The following SYT9 variants were observed in gnomAD, a reference collection of about 807,000 sequenced individuals.
SYT9 encodes the protein synaptotagmin-9.
In SYT9, 22 loss-of-function variants were observed where a neutral mutation model predicts 48.4. That is an observed-to-expected ratio of 0.45 (90% CI 0.32 to 0.65). SYT9 has a LOEUF of 0.65. SYT9 is among the 30% of genes least tolerant of loss of function. The probability of loss-of-function intolerance (pLI) is 0.03; values close to 1 mark genes in which losing one functional copy is unlikely to be tolerated. For missense variants in SYT9, 577 were observed against 622.0 expected, an observed-to-expected ratio of 0.93 and a Z score of 0.77; for synonymous variants, 265 against 245.0, an observed-to-expected ratio of 1.08 and a Z score of -0.76.
chr11:7,279,923 C>T (rs1052404214), intron 1 of SYT9, among the ~76,000 whole-genome samples: 1 of 152,164 alleles, frequency 6.6e-6, no homozygotes. Context: ...TGAGGCAAAT[C>T]TTTTGAGCAG....
chr11:7,358,971 G>A (rs922743516), intron 3 of SYT9, among the ~76,000 whole-genome samples: 1 of 151,988 alleles, frequency 6.6e-6, no homozygotes, highest in Non-Finnish European at 1.5e-5. Flanking sequence ...TCTAGCATTA[G>A]GTATATCTCC....
chr11:7,356,513 G>A (rs752251445), intron 3 of SYT9, among the ~76,000 whole-genome samples: 1 of 152,072 alleles, frequency 6.6e-6, no homozygotes, highest in Non-Finnish European at 1.5e-5. Flanking sequence ...CTCCAGGGAG[G>A]GAAGAAGGAG....
chr11:7,342,669 T>C (rs878906616), intron 3 of SYT9, among the ~76,000 whole-genome samples: 4 of 152,176 alleles, frequency 2.6e-5, no homozygotes, highest in Non-Finnish European at 5.9e-5. Context: ...TGTAGGTGGA[T>C]CTACCATTCT....
intron 1 of SYT9, among the ~76,000 whole-genome samples, chr11:7,242,183 C>A (rs982843100): frequency 3.3e-5 from 5 of 152,200 alleles, no homozygotes; most frequent in Non-Finnish European, 5.9e-5. Flanking sequence ...GTTGGTCAGA[C>A]CCTGCCCATC....
chr11:7,431,734 G>C (rs1847576728), intron 6 of SYT9, among the ~76,000 whole-genome samples: 1 of 152,248 alleles, frequency 6.6e-6, no homozygotes, highest in East Asian at 1.9e-4. Flanking sequence ...ATGGCTCAAA[G>C]GGGCCCAGGT....
intron 3 of SYT9, among the ~76,000 whole-genome samples, chr11:7,389,924 C>T (rs1850731281): frequency 6.6e-6 from 1 of 152,082 alleles, no homozygotes. Flanking sequence ...TTCTGAAATA[C>T]AATAATTTTA....
intron 1 of SYT9, among the ~76,000 whole-genome samples, chr11:7,255,744 G>A (rs1847957173): frequency 6.6e-6 from 1 of 151,914 alleles, no homozygotes; most frequent in African/African-American, 2.4e-5. Context: ...GGGTGAGGAG[G>A]GAAATCATGA....
At chr11:7,443,517 T>C (rs1847869438) in intron 6 of SYT9, among the ~76,000 whole-genome samples, 2 of 152,162 alleles carry the variant, frequency 1.3e-5, no homozygotes, top group South Asian at 4.1e-4. Context: ...TGAAAGAGGC[T>C]GCGCAGCAGA....
intron 1 of SYT9, among the ~76,000 whole-genome samples, chr11:7,274,882 T>C (rs567048922): frequency 6.6e-6 from 1 of 152,286 alleles, no homozygotes; most frequent in South Asian, 2.1e-4. Context: ...CTCTTCCTCA[T>C]GGCCACGTTC....
chr11:7,276,695 G>T (rs1848399405), intron 1 of SYT9, among the ~76,000 whole-genome samples: 1 of 151,976 alleles, frequency 6.6e-6, no homozygotes, highest in African/African-American at 2.4e-5. Context: ...TCAGTTTTGG[G>T]GTCACCTAAA....
At chr11:7,266,151 G>C (rs751021967) in intron 1 of SYT9, among the ~76,000 whole-genome samples, 1 of 151,980 alleles carries the variant, frequency 6.6e-6, no homozygotes, top group Non-Finnish European at 1.5e-5. Flanking sequence ...AGCTCTGAAG[G>C]CTTCCCAAAT....
In SYT9 at chr11:7,318,559, C is replaced by T. The variant is rs150265828; in HGVS notation, c.1044+4618C>T. Among the ~76,000 whole-genome samples, 1,493 of 152,268 alleles carry T rather than the reference C, an allele frequency of 9.8e-3. 21 individuals are homozygous for T. Among genetic ancestry groups the T allele is most frequent in the African/African-American group, 0.033 (1,370 of 41,528 alleles). On this transcript the variant is annotated intron_variant, in intron 3 of 6. Coordinates refer to ENST00000318881, the MANE Select transcript of SYT9 (RefSeq NM_175733.4). ...AAACTCCTAACCTCAGTGGATCTGC[C>T]GGCCTTGGCTTCCCAAAGTGCTGGG...
intron 3 of SYT9, among the ~76,000 whole-genome samples, chr11:7,392,714 T>C (rs1294443941): frequency 6.6e-6 from 1 of 152,196 alleles, no homozygotes; most frequent in Non-Finnish European, 1.5e-5. Flanking sequence ...ATTTTAACAA[T>C]AGTGATTCCT....
At chr11:7,454,027 G>A (rs1848105603) in intron 6 of SYT9, 1 of 985,366 alleles carries the variant, frequency 1.0e-6, no homozygotes, top group Non-Finnish European at 1.2e-6. Context: ...TGGCCAAGAG[G>A]GCTCAGCTTC....
At chr11:7,386,136 T>C (rs1439945698) in intron 3 of SYT9, among the ~76,000 whole-genome samples, 1 of 152,178 alleles carries the variant, frequency 6.6e-6, no homozygotes, top group African/African-American at 2.4e-5. Flanking sequence ...TGAGGTTTTT[T>C]CTATTTTTAT....
intron 1 of SYT9, among the ~76,000 whole-genome samples, chr11:7,270,529 GA>G (rs1042593669): frequency 4.0e-5 from 6 of 151,884 alleles, no homozygotes; most frequent in Non-Finnish European, 5.9e-5. Context: ...TCAAATTCTA[GA>G]AAAAAAATTG....
chr11:7,332,797 TG>T (rs1474315514), intron 3 of SYT9, among the ~76,000 whole-genome samples: 1 of 152,028 alleles, frequency 6.6e-6, no homozygotes, highest in Non-Finnish European at 1.5e-5. Flanking sequence ...TTGAGCTAGA[TG>T]AAAAAAACAA....
chr11:7,374,759 A>G (rs1850423439), intron 3 of SYT9, among the ~76,000 whole-genome samples: 1 of 151,990 alleles, frequency 6.6e-6, no homozygotes, highest in Non-Finnish European at 1.5e-5. Flanking sequence ...CCACTTTTCG[A>G]TGGGGTTGAT....
intron 3 of SYT9, among the ~76,000 whole-genome samples, chr11:7,359,560 G>A (rs1237158263): frequency 5.6e-5 from 6 of 106,596 alleles, no homozygotes; most frequent in East Asian, 2.7e-4. Flanking sequence ...GTGTGAGATG[G>A]TATCTCATAG....
Sources: allele counts gnomAD v4.1 joint callset (sites outside exome capture counted in the v4.1 genomes callset), GRCh38; gene constraint gnomAD v4.1.1; transcripts MANE v1.5; gene names NCBI Gene and HGNC (gene_info 2026-07-23, HGNC 2026-07-21).